Variants in IFT25 observed in about 807,000 individuals in gnomAD.
IFT25 encodes intraflagellar transport 25.
At chr1:53,937,132 C>T in the IFT25 span, among the ~76,000 whole-genome samples, 1 of 152,064 alleles carries the variant, frequency 6.6e-6, no homozygotes, top group Non-Finnish European at 1.5e-5. Flanking sequence ...TTTGGTTTTT[C>T]TTTGAGACAG....
the IFT25 span, chr1:53,945,967 CGCCTCAGCCCCGCCCCCTCGCGGCG>C: frequency 6.8e-6 from 1 of 147,940 alleles, no homozygotes; most frequent in African/African-American, 2.5e-5. Context: ...GGCCCCACCC[CGCCTCAGCCCCGCCCCCTCGCGGCG>C]GCCTCGGCCC....
the IFT25 span, chr1:53,945,491 T>G: frequency 4.6e-5 from 7 of 152,726 alleles, no homozygotes; most frequent in African/African-American, 1.7e-4. Flanking sequence ...CCCGTCCTTC[T>G]GCCTTGCCCG....
chr1:53,923,985 T>G, the IFT25 span: 8,955 of 1,308,716 alleles, frequency 6.8e-3, 386 homozygotes, highest in African/African-American at 0.1. Context: ...GAGTTAAGGG[T>G]CAAAATACAT....
chr1:53,929,471 G>T, the IFT25 span: 1 of 152,090 alleles, frequency 6.6e-6, no homozygotes, highest in Non-Finnish European at 1.5e-5. Context: ...CATCTGGGAT[G>T]TATTCTGTTT....
the IFT25 span, among the ~76,000 whole-genome samples, chr1:53,938,221 G>A: frequency 6.6e-6 from 1 of 152,150 alleles, no homozygotes; most frequent in African/African-American, 2.4e-5. Flanking sequence ...CTATGCAAAT[G>A]TACAGTTATA....
At chr1:53,923,782 T>C in the IFT25 span, 41 of 670,890 alleles carry the variant, frequency 6.1e-5, no homozygotes, top group Non-Finnish European at 9.5e-5. Flanking sequence ...TCTCTACCGG[T>C]TGATTTAGGT....
At chr1:53,912,578 C>G in the IFT25 span, among the ~76,000 whole-genome samples, 1 of 152,140 alleles carries the variant, frequency 6.6e-6, no homozygotes, top group Non-Finnish European at 1.5e-5. Context: ...TTGAGCTGGT[C>G]TTCAAAGATG....
chr1:53,938,638 C>T, the IFT25 span, among the ~76,000 whole-genome samples: 271 of 152,266 alleles, frequency 1.8e-3, no homozygotes, highest in African/African-American at 6.3e-3. Context: ...TCTCTTACCA[C>T]AAGTCTAAAA....
chr1:53,942,322 T>C, the IFT25 span, among the ~76,000 whole-genome samples: 6 of 152,224 alleles, frequency 3.9e-5, no homozygotes, highest in African/African-American at 1.2e-4. Flanking sequence ...TGTTTTTGTA[T>C]GGCCCACAAG....
the IFT25 span, chr1:53,930,220 GTTTT>G: frequency 7.3e-7 from 1 of 1,369,082 alleles, no homozygotes; most frequent in Non-Finnish European, 9.8e-7. Flanking sequence ...TTGAATACCT[GTTTT>G]TTAAAATTAA....
At chr1:53,942,975 T>C in the IFT25 span, among the ~76,000 whole-genome samples, 1 of 152,196 alleles carries the variant, frequency 6.6e-6, no homozygotes, top group Non-Finnish European at 1.5e-5. Flanking sequence ...AAGTTCATGA[T>C]GATCTATAAA....
At chr1:53,941,716 AATTTC>A in the IFT25 span, among the ~76,000 whole-genome samples, 1 of 152,214 alleles carries the variant, frequency 6.6e-6, no homozygotes, top group Non-Finnish European at 1.5e-5. Context: ...AAAATTATTA[AATTTC>A]ATTATTAAAA....
chr1:53,921,443 TA>T, the IFT25 span: 1 of 506,076 alleles, frequency 2.0e-6, no homozygotes, highest in Non-Finnish European at 3.6e-6. Context: ...TTGATTAAGC[TA>T]TATACTGAAG....
the IFT25 span, among the ~76,000 whole-genome samples, chr1:53,915,367 C>A: frequency 6.6e-6 from 1 of 152,130 alleles, no homozygotes; most frequent in Non-Finnish European, 1.5e-5. Context: ...CCGAGTAATT[C>A]AATTGGATTA....
chr1:53,938,978 G>A, the IFT25 span, among the ~76,000 whole-genome samples: 3 of 150,586 alleles, frequency 2.0e-5, no homozygotes, highest in African/African-American at 7.4e-5. Flanking sequence ...GGAGGCTGAG[G>A]CAGGAGAATC....
the IFT25 span, among the ~76,000 whole-genome samples, chr1:53,942,790 CTTGG>C: frequency 8.1e-4 from 123 of 152,340 alleles, 1 homozygote; most frequent in African/African-American, 2.8e-3. Flanking sequence ...GTGACTAAGA[CTTGG>C]TTCTTGCCTT....
chr1:53,934,353 CTGTT>C, the IFT25 span, among the ~76,000 whole-genome samples: 1 of 152,216 alleles, frequency 6.6e-6, no homozygotes, highest in Non-Finnish European at 1.5e-5. Context: ...CTGGCTTCCA[CTGTT>C]TGTGATGTAA....
At chr1:53,934,620 T>C in the IFT25 span, among the ~76,000 whole-genome samples, 1 of 152,336 alleles carries the variant, frequency 6.6e-6, no homozygotes, top group South Asian at 2.1e-4. Context: ...AAATGTGCTA[T>C]ATCCATACAA....
chr1:53,938,204 T>C, the IFT25 span, among the ~76,000 whole-genome samples: 4 of 152,222 alleles, frequency 2.6e-5, no homozygotes, highest in Non-Finnish European at 1.5e-5. Flanking sequence ...TATGAAATTA[T>C]AAAGCCCTAT....
Sources: gnomAD v4.1 joint callset for allele counts (sites outside exome capture counted in the v4.1 genomes callset) on GRCh38, gnomAD v4.1.1 for gene constraint, MANE v1.5 for transcripts, NCBI Gene and HGNC (gene_info 2026-07-23, HGNC 2026-07-21) for gene names.